Variants in MPP3 observed in about 807,000 individuals in gnomAD.
MPP3 encodes MAGUK p55 subfamily member 3.
MPP3 carries 48 observed loss-of-function variants against 80.7 expected under a neutral mutation model. The observed-to-expected ratio is 0.59, with a 90% CI of 0.47 to 0.76. MPP3 has a LOEUF of 0.76. Ranked by LOEUF, MPP3 falls within the 30% of genes least tolerant of loss-of-function variation. MPP3 has a pLI of 0.00. For synonymous variants in MPP3, 311 were observed against 297.6 expected, an observed-to-expected ratio of 1.04 and a Z score of -0.46; for missense variants, 620 against 763.0, an observed-to-expected ratio of 0.81 and a Z score of 2.21.
At chr17:43,811,009 C>A in intron 17 of MPP3, 94 bp from the exon 18 acceptor site, 1 of 1,424,578 alleles carries the variant, frequency 7.0e-7, no homozygotes, top group Non-Finnish European at 9.9e-7. Context: ...TTCTCTCCCG[C>A]TTCCCCCATC....
intron 10 of MPP3, among the ~76,000 whole-genome samples, chr17:43,821,618 G>A (rs551855061): frequency 2.0e-5 from 3 of 152,186 alleles, no homozygotes; most frequent in Non-Finnish European, 4.4e-5. Context: ...CCATAGACTC[G>A]GCCAAGCCCT....
rs765209252 is a variant in MPP3 at position 43,801,876 on chromosome 17, T to C, written c.1583A>G (p.Asp528Gly). 1.2e-5 allele frequency: 20 copies of C among 1,610,940 alleles called. No individual in the cohort carries two copies. The African/African-American group carries it at 1.7e-4, about 14-fold the overall frequency. The part of the protein sequence containing the change: ...PACEDTAAPF[D>G]EQQQEMAASA... ...AGCGGCCATCTCTTGCTGCTGCTCA[T>C]CCTGCAAGGAAAGGGGTGGTAAAAG... Residue 528 changes from aspartate (D) to glycine (G), a missense_variant and splice_region_variant, in exon 20 of 20, where the codon GAT becomes GGT. Coordinates refer to ENST00000398389, the MANE Select transcript of MPP3 (RefSeq NM_001932.6).
At chr17:43,829,958 G>A (rs1416986439) in intron 6 of MPP3, 69 bp downstream of exon 6, 2 of 1,567,532 alleles carry the variant, frequency 1.3e-6, no homozygotes, top group South Asian at 2.2e-5. Context: ...AGCCTCATTA[G>A]GAGAGCTCCC....
chr17:43,827,785 G>T lies in MPP3; in HGVS notation c.489C>A (p.Ala163=). 1 of 1,612,694 alleles carries T rather than the reference G, an allele frequency of 6.2e-7. No individual in the cohort carries two copies. Residue 163 remains alanine (A), a synonymous_variant, in exon 8 of 20, where the codon GCC becomes GCA. Coordinates refer to ENST00000398389, the MANE Select transcript of MPP3 (RefSeq NM_001932.6). The part of the protein sequence containing the change: ...RDEHSGAVVV[A]RIMRGGAADR... ...CTGCTGCGCCTCCTCGCATGATCCT[G>T]GCCACCACAACAGCCCCTGAGTGCT...
chr17:43,814,128 T>C, intron 15 of MPP3, 37 bp from the exon 16 acceptor site: 1 of 1,604,630 alleles, frequency 6.2e-7, no homozygotes, highest in South Asian at 1.1e-5. Context: ...GGGTCCCTGC[T>C]GAGCTCCCTC....
In MPP3 at chr17:43,801,409, CT is replaced by C. The variant is rs2044403454; in HGVS notation, c.*291del. ...CACTACCACCCACAAAAGACAGTGGCTACTTAACTTTGGTACAAAGAATCAG... is the reference window on the plus strand; with the variant it reads ...CACTACCACCCACAAAAGACAGTGGCACTTAACTTTGGTACAAAGAATCAG... On this transcript the variant is annotated 3_prime_UTR_variant, in exon 20 of 20. Transcript: ENST00000398389. The C allele has an allele frequency of 2.8e-6, 1 of 363,514 alleles. No homozygotes were observed. The highest frequency in any genetic ancestry group is 2.1e-5 in the African/African-American group (1 of 46,834). The allele number at this position is 363,514 out of a possible 1,614,324, so 22.5% of individuals were successfully genotyped here.
At position 43,810,806 on chromosome 17, in the gene MPP3, C is replaced by A; in HGVS notation, c.1458+1G>T. The A allele has an allele frequency of 6.2e-7, 1 of 1,600,130 alleles. No homozygotes were observed. The highest frequency in any genetic ancestry group is 8.5e-7 in the Non-Finnish European group (1 of 1,174,546). On this transcript the variant is annotated splice_donor_variant, in intron 18 of 19. Coordinates refer to ENST00000398389, the MANE Select transcript of MPP3 (RefSeq NM_001932.6). LOFTEE classifies it high-confidence loss of function. ...AATGGCCAGCAGGCCCAGCAACTCACTTCTGGCTCCACATCCACCAAACAA... is the reference window on the plus strand; with the variant it reads ...AATGGCCAGCAGGCCCAGCAACTCAATTCTGGCTCCACATCCACCAAACAA...
Position 43,816,702 on chromosome 17 carries a change from G to T in MPP3, c.947-5C>A. On this transcript the variant is annotated splice_polypyrimidine_tract_variant and splice_region_variant and intron_variant, in intron 12 of 19. Coordinates refer to ENST00000398389, the MANE Select transcript of MPP3 (RefSeq NM_001932.6). Reference sequence around the variant, plus strand: ...CTTTGTCACAAGGCTGATCATCTGCGGTTTGCACAAAAGACAGATGGAACA... The same window carrying T: ...CTTTGTCACAAGGCTGATCATCTGCTGTTTGCACAAAAGACAGATGGAACA... 6.3e-7 allele frequency: 1 copy of T among 1,575,256 alleles called. No homozygotes were observed. Among genetic ancestry groups the T allele is most frequent in the East Asian group, 2.3e-5 (1 of 43,216 alleles).
In MPP3 at chr17:43,817,263, G is replaced by A. The variant is rs555234498; in HGVS notation, c.947-566C>T. Reference sequence around the variant, plus strand: ...GCCCTACCCTGGGGCTCTGATCACAGGCCTTCAGAAAATGTGACCCCAACT... The same window carrying A: ...GCCCTACCCTGGGGCTCTGATCACAAGCCTTCAGAAAATGTGACCCCAACT... On this transcript the variant is annotated intron_variant, in intron 12 of 19. Coordinates refer to ENST00000398389, the MANE Select transcript of MPP3 (RefSeq NM_001932.6). Among the ~76,000 whole-genome samples, 4 of 152,264 alleles carry A rather than the reference G, an allele frequency of 2.6e-5. No homozygotes were observed. In the South Asian group the frequency reaches 8.3e-4, roughly 32 times the overall value.
At chr17:43,827,949 G>C in intron 7 of MPP3, 117 bp from the exon 8 acceptor site, 1 of 901,788 alleles carries the variant, frequency 1.1e-6, no homozygotes, top group Non-Finnish European at 1.8e-6. Flanking sequence ...AGAGAGATCA[G>C]TGGGGACCTT....
chr17:43,821,162 G>T, intron 10 of MPP3, 104 bp from the exon 11 acceptor site: 1 of 1,078,234 alleles, frequency 9.3e-7, no homozygotes, highest in South Asian at 1.4e-5. Context: ...CACTTAGGAG[G>T]ACCAAGTGGC....
chr17:43,803,804 T>C (rs2044508510), intron 19 of MPP3, among the ~76,000 whole-genome samples: 1 of 110,984 alleles, frequency 9.0e-6, no homozygotes, highest in Non-Finnish European at 2.4e-5. Flanking sequence ...GGGGACTCTG[T>C]GTTGAACAGC....
At position 43,829,718 on chromosome 17, in the gene MPP3, A is replaced by C; in HGVS notation, c.377T>G (p.Ile126Ser). ...DPVLPPLPDN[I>S]DEDFDEESVK... is the part of the protein sequence containing the mutation. ...CGATTCCTCATCAAAATCCTCATCG[A>C]TATTGTCAGGCAGAGGCGGGAGAAC... The change falls in exon 7 of 20, where the codon ATC becomes AGC. Residue 126 changes from isoleucine to serine, a missense_variant. Physicochemically the swap from Ile to Ser is moderately radical, Grantham distance 142. Transcript: ENST00000398389. 6.2e-7 allele frequency: 1 copy of C among 1,614,086 alleles called. No homozygotes were observed. Among genetic ancestry groups the C allele is most frequent in the Non-Finnish European group, 8.5e-7 (1 of 1,180,014 alleles).
chr17:43,818,154 G>C, intron 11 of MPP3, 44 bp from the exon 12 acceptor site: 1 of 1,431,010 alleles, frequency 7.0e-7, no homozygotes, highest in African/African-American at 1.5e-5. Context: ...AGCTGGGCCA[G>C]ATAACCACTT....
At chr17:43,832,240 G>A in intron 2 of MPP3, 2 of 408,018 alleles carry the variant, frequency 4.9e-6, no homozygotes, top group Non-Finnish European at 8.7e-6. Flanking sequence ...CGGCGTGGAA[G>A]CTTTCAGTAA....
intron 6 of MPP3, 112 bp downstream of exon 6, chr17:43,829,915 T>G (rs748754689): frequency 1.3e-6 from 2 of 1,546,016 alleles, no homozygotes; most frequent in Non-Finnish European, 1.8e-6. Flanking sequence ...CAGACACTAG[T>G]GCTGAGGATC....
chr17:43,810,957 C>T, intron 17 of MPP3, 42 bp from the exon 18 acceptor site: 1 of 1,521,376 alleles, frequency 6.6e-7, no homozygotes, highest in Non-Finnish European at 9.0e-7. Context: ...AGTTCCTCAG[C>T]TTTCCTAAAT....
chr17:43,820,639 C>CACACACACACACGCACACACAT (rs796095687), intron 11 of MPP3, among the ~76,000 whole-genome samples: 1 of 145,312 alleles, frequency 6.9e-6, no homozygotes, highest in Non-Finnish European at 1.5e-5. Context: ...CACACACACA[C>CACACACACACACGCACACACAT]ATTAACTTAA....
intron 13 of MPP3, 64 bp from the exon 14 acceptor site, chr17:43,816,143 C>A: frequency 1.4e-6 from 2 of 1,423,416 alleles, no homozygotes; most frequent in Non-Finnish European, 1.9e-6. Flanking sequence ...CCCAGGGCAC[C>A]CAGCCCCTGG....
Sources: allele counts gnomAD v4.1 joint callset (sites outside exome capture counted in the v4.1 genomes callset), GRCh38; gene constraint gnomAD v4.1.1; transcripts MANE v1.5; gene names NCBI Gene and HGNC (gene_info 2026-07-23, HGNC 2026-07-21).